The following PTPN5 variants were observed in gnomAD, a reference collection of about 807,000 sequenced individuals.
PTPN5 encodes the protein protein tyrosine phosphatase non-receptor type 5.
A neutral mutation model predicts 73.9 loss-of-function variants in PTPN5; 29 were observed. The observed-to-expected ratio is 0.39, with a 90% confidence interval of 0.29 to 0.54. PTPN5 has a LOEUF of 0.54. Ranked by LOEUF, PTPN5 falls within the 20% of genes least tolerant of loss-of-function variation. PTPN5 has a pLI of 0.65. For synonymous variants in PTPN5, 267 were observed against 304.7 expected, an observed-to-expected ratio of 0.88 and a Z score of 1.29; for missense variants, 652 against 751.4, an observed-to-expected ratio of 0.87 and a Z score of 1.55.
chr11:18,730,007 T>C (rs1209224402), intron 12 of PTPN5, 189 bp from the exon 13 acceptor site: 4 of 703,614 alleles, frequency 5.7e-6, no homozygotes, highest in South Asian at 1.8e-5. Flanking sequence ...CAGCTTGGTT[T>C]TGGGGGTTGG....
rs1277114623 is a variant in PTPN5, at chr11:18,743,310, A to G, written c.399+12T>C. ...ATCCCTGCTACCCTAGGACTCCCCA[A>G]AGCTTACTTACCGTGGGTTCCAGCT... On this transcript the variant is annotated intron_variant, in intron 5 of 14. Transcript: ENST00000358540. The G allele has an allele frequency of 1.4e-5, 22 of 1,613,654 alleles. No homozygotes were observed. Among genetic ancestry groups the G allele is most frequent in the Non-Finnish European group, 1.9e-5 (22 of 1,179,570 alleles).
At chr11:18,744,245 C>G (rs757969767) in intron 3 of PTPN5, 46 bp from the exon 4 acceptor site, 1 of 1,429,960 alleles carries the variant, frequency 7.0e-7, no homozygotes, top group South Asian at 1.6e-5. Context: ...GCCCTGTCCA[C>G]AGGCAGGGCT....
chr11:18,759,033 G>A (rs1261732346), intron 3 of PTPN5, among the ~76,000 whole-genome samples: 1 of 152,134 alleles, frequency 6.6e-6, no homozygotes, highest in African/African-American at 2.4e-5. Context: ...GGCTGTGCTG[G>A]TTCAGTGAGG....
chr11:18,765,349 G>A (rs957384180), intron 3 of PTPN5, among the ~76,000 whole-genome samples: 13 of 152,072 alleles, frequency 8.5e-5, no homozygotes, highest in African/African-American at 3.1e-4. Flanking sequence ...GTGGTCAACT[G>A]GACTCAAGCA....
intron 3 of PTPN5, among the ~76,000 whole-genome samples, chr11:18,745,791 A>G (rs1849592242): frequency 6.6e-6 from 1 of 151,994 alleles, no homozygotes; most frequent in African/African-American, 2.4e-5. Flanking sequence ...TCCCCATTTT[A>G]CAGAAAAGGA....
At chr11:18,756,793 G>A (rs191315941) in intron 3 of PTPN5, among the ~76,000 whole-genome samples, 36 of 151,652 alleles carry the variant, frequency 2.4e-4, no homozygotes, top group Admixed American at 7.2e-4. Flanking sequence ...GTTTGGTGGC[G>A]TATGCCTGTA....
At chr11:18,746,058 T>A (rs1849604245) in intron 3 of PTPN5, among the ~76,000 whole-genome samples, 1 of 151,390 alleles carries the variant, frequency 6.6e-6, no homozygotes, top group South Asian at 2.1e-4. Flanking sequence ...AAATGTTTAC[T>A]AAATGAGTGA....
chr11:18,739,216 A>G (rs1849254753), intron 8 of PTPN5, among the ~76,000 whole-genome samples: 1 of 152,134 alleles, frequency 6.6e-6, no homozygotes, highest in Non-Finnish European at 1.5e-5. Flanking sequence ...CACGTGCAAA[A>G]CTGCCCCCAG....
chr11:18,729,739 G>T lies in PTPN5; in HGVS notation c.1409C>A (p.Pro470Gln), dbSNP rs138509696. Reference protein sequence around the residue: ...PDQKTPDRAPPLLHLVREVEE... With the variant: ...PDQKTPDRAPQLLHLVREVEE... ...CACCTCCCGCACCAGGTGCAGGAGT[G>T]GGGGGGCCCGGTCTGGGGTCTTCTG... The change falls in exon 13 of 15, where the codon CCA (proline) becomes CAA (glutamine). Residue 470 changes from proline (P) to glutamine (Q), a missense_variant. Around this residue, in one of 3 missense-constraint regions of PTPN5, gnomAD observed 102 missense variants for 160.5 expected, o/e 0.64. Transcript: ENST00000358540. The surrounding 1 kb of genome is among the most constrained non-coding windows in gnomAD (Gnocchi z 5.2). The T allele has an allele frequency of 5.1e-5, 82 of 1,604,424 alleles. No homozygotes were observed. Among genetic ancestry groups the T allele is most frequent in the Admixed American group, 1.2e-4 (7 of 59,564 alleles).
At chr11:18,744,337 G>C (rs186516096) in intron 3 of PTPN5, 138 bp from the exon 4 acceptor site, 1 of 612,252 alleles carries the variant, frequency 1.6e-6, no homozygotes, top group African/African-American at 1.9e-5. Flanking sequence ...AGTCACCCTC[G>C]ATTAGCAAAG....
intron 8 of PTPN5, among the ~76,000 whole-genome samples, chr11:18,740,184 G>A (rs145414047): frequency 7.2e-5 from 11 of 152,230 alleles, no homozygotes; most frequent in African/African-American, 2.4e-4. Flanking sequence ...CCCCAGGGGT[G>A]GTAACGAGGG....
intron 1 of PTPN5, among the ~76,000 whole-genome samples, chr11:18,777,274 G>A (rs1851204115): frequency 6.6e-6 from 1 of 152,234 alleles, no homozygotes; most frequent in Non-Finnish European, 1.5e-5. Flanking sequence ...TCTTGGGCAA[G>A]ATTTTGACTT....
intron 2 of PTPN5, 89 bp downstream of exon 2, chr11:18,771,850 T>G (rs1850915643): frequency 9.2e-7 from 1 of 1,083,400 alleles, no homozygotes; most frequent in African/African-American, 1.6e-5. Context: ...CTCATGAGAA[T>G]GGGTCACGTG....
chr11:18,781,901 G>A (rs185441528), intron 1 of PTPN5, among the ~76,000 whole-genome samples: 7 of 152,228 alleles, frequency 4.6e-5, no homozygotes, highest in African/African-American at 4.8e-5. Context: ...GAAGAGACCC[G>A]AAGGACAAGC....
chr11:18,763,386 C>A (rs947519382), intron 3 of PTPN5, among the ~76,000 whole-genome samples: 2 of 152,220 alleles, frequency 1.3e-5, no homozygotes, highest in African/African-American at 4.8e-5. Context: ...TGGAGTGAAT[C>A]CTCCCTCTAC....
At chr11:18,786,481 C>G (rs1041613061) in intron 1 of PTPN5, among the ~76,000 whole-genome samples, 4 of 152,208 alleles carry the variant, frequency 2.6e-5, no homozygotes, top group African/African-American at 9.7e-5. Flanking sequence ...GGATTACAGG[C>G]GTGAGCCACC....
In PTPN5 at chr11:18,742,946, G is replaced by T; in HGVS notation, c.483+46C>A. 3.1e-6 allele frequency: 4 copies of T among 1,275,322 alleles called. No individual in the cohort carries two copies. Among genetic ancestry groups the T allele is most frequent in the Non-Finnish European group, 4.5e-6 (4 of 895,488 alleles). The allele number at this position is 1,275,322 out of a possible 1,614,324, so 79.0% of individuals were successfully genotyped here. ...GAGCTGGTAGAAATCCAGGCCTCAA[G>T]GTCAGAGGAGGACAGCCTTGAGGTT... On this transcript the variant is annotated intron_variant, in intron 6 of 14. Transcript: ENST00000358540. This position sits in a 1 kb window ranked among gnomAD's most constrained non-coding sequence, Gnocchi z 4.1.
At position 18,744,182 on chromosome 11, in the gene PTPN5, C is replaced by T; in HGVS notation, c.115G>A (p.Val39Met). The T allele has an allele frequency of 6.4e-7, 1 of 1,570,082 alleles. No individual in the cohort carries two copies. Among genetic ancestry groups the T allele is most frequent in the Non-Finnish European group, 8.6e-7 (1 of 1,161,142 alleles). ...ERLPGLPQPI[V>M]MEALDEAEGL... ...TCAGCCTCGTCCAGTGCCTCCATCA[C>T]TATCGGCTGGGGGAGACCTGTGGAA... Residue 39 changes from valine (V) to methionine (M), a missense_variant, in exon 4 of 15, where the codon GTG becomes ATG. Physicochemically the swap from Val to Met is conservative, Grantham distance 21. Around this residue, in one of 3 missense-constraint regions of PTPN5, gnomAD observed 529 missense variants for 573.9 expected, o/e 0.92. Coordinates refer to ENST00000358540, the MANE Select transcript of PTPN5 (RefSeq NM_006906.2).
chr11:18,771,540 G>A (rs901879583), intron 2 of PTPN5, among the ~76,000 whole-genome samples: 5 of 152,110 alleles, frequency 3.3e-5, no homozygotes, highest in East Asian at 1.9e-4. Flanking sequence ...ACCAACTTCC[G>A]ACTCTGGAGC....
Sources: allele counts gnomAD v4.1 joint callset (sites outside exome capture counted in the v4.1 genomes callset), GRCh38; gene constraint gnomAD v4.1.1; regional missense constraint gnomAD v4.1.1; non-coding constraint Gnocchi (gnomAD v3.1); transcripts MANE v1.5; gene names NCBI Gene and HGNC (gene_info 2026-07-23, HGNC 2026-07-21).